Variants in INPP4B observed in about 807,000 individuals in gnomAD.
INPP4B encodes inositol polyphosphate 4-phosphatase type II.
Under a neutral mutation model 122.5 loss-of-function variants are expected in INPP4B, and 55 were observed. The ratio of observed to expected loss-of-function variants is 0.45; its 90% CI spans 0.36 to 0.56. The LOEUF (loss-of-function observed/expected upper bound fraction) is 0.56. Among genes scored for constraint, INPP4B ranks in the 20% least tolerant of loss-of-function variants. INPP4B has a pLI of 0.00. For synonymous variants in INPP4B, 403 were observed against 388.7 expected (o/e 1.04, Z -0.43); for missense variants, 1,000 against 1,097.7 (o/e 0.91, Z 1.26).
intron 15 of INPP4B, among the ~76,000 whole-genome samples, chr4:142,179,378 T>A (rs1579188799): frequency 6.9e-6 from 1 of 144,250 alleles, no homozygotes; most frequent in African/African-American, 2.6e-5. Context: ...GAGGCTGAGG[T>A]AGGAGAATTG....
chr4:142,517,092 T>G (rs952674005), intron 2 of INPP4B, among the ~76,000 whole-genome samples: 1 of 151,884 alleles, frequency 6.6e-6, no homozygotes, highest in East Asian at 1.9e-4. Context: ...AAATGCAGCA[T>G]AACCTTCACA....
chr4:142,471,630 G>T (rs1323998187), intron 2 of INPP4B, among the ~76,000 whole-genome samples: 1 of 152,314 alleles, frequency 6.6e-6, no homozygotes, highest in Admixed American at 6.5e-5. Flanking sequence ...TCAAGACAGT[G>T]GGGGCAGAGG....
chr4:142,412,718 G>A (rs1804868340), intron 5 of INPP4B, among the ~76,000 whole-genome samples: 1 of 151,878 alleles, frequency 6.6e-6, no homozygotes, highest in Non-Finnish European at 1.5e-5. Context: ...TTAATTCATT[G>A]AGAGTAGCTC....
At chr4:142,567,623 A>AT (rs1731914226) in intron 2 of INPP4B, among the ~76,000 whole-genome samples, 1 of 152,106 alleles carries the variant, frequency 6.6e-6, no homozygotes, top group Non-Finnish European at 1.5e-5. Flanking sequence ...CTCAATAAAT[A>AT]TTTTTTCTTA....
At chr4:142,509,827 A>G (rs994457158) in intron 2 of INPP4B, among the ~76,000 whole-genome samples, 2 of 152,208 alleles carry the variant, frequency 1.3e-5, no homozygotes, top group Admixed American at 1.3e-4. Context: ...CATGTTTGTA[A>G]AGATTCAATA....
intron 1 of INPP4B, among the ~76,000 whole-genome samples, chr4:142,785,804 G>A (rs138537048): frequency 5.3e-5 from 8 of 152,116 alleles, no homozygotes; most frequent in African/African-American, 1.7e-4. Flanking sequence ...CATCAAAACC[G>A]TGGATTCAGG....
At chr4:142,535,008 T>C (rs1828023584) in intron 2 of INPP4B, among the ~76,000 whole-genome samples, 1 of 152,184 alleles carries the variant, frequency 6.6e-6, no homozygotes, top group East Asian at 1.9e-4. Context: ...CATGTTCCAG[T>C]CTCATGCTTA....
intron 2 of INPP4B, among the ~76,000 whole-genome samples, chr4:142,612,619 T>A (rs1742802748): frequency 6.6e-6 from 1 of 152,214 alleles, no homozygotes; most frequent in Admixed American, 6.6e-5. Context: ...TTGCCATTTT[T>A]AAAAGTAATG....
Position 142,145,836 on chromosome 4 carries a change from T to C in INPP4B, c.1720+4A>G. 1 of 1,611,776 alleles carries C rather than the reference T, an allele frequency of 6.2e-7. No individual in the cohort carries two copies. The stretch of plus-strand genomic sequence containing the variant: ...AATGATTGGGAAAAAAAATTATTTC[T>C]TACCTCTTGGGTGAGAGGGAATGGC... On this transcript the variant is annotated splice_donor_region_variant and intron_variant, in intron 18 of 25. Transcript: ENST00000262992.
intron 11 of INPP4B, among the ~76,000 whole-genome samples, chr4:142,253,070 T>C (rs559559224): frequency 1.6e-4 from 25 of 152,156 alleles, no homozygotes; most frequent in African/African-American, 6.0e-4. Flanking sequence ...CACACCACAA[T>C]GGTAAGTATT....
In INPP4B at chr4:142,399,189, C is replaced by CTTTTTTTT. The variant is rs70949166; in HGVS notation, c.372+3741_372+3748dup. On this transcript the variant is annotated intron_variant, in intron 7 of 25. Coordinates refer to ENST00000262992, the MANE Select transcript of INPP4B (RefSeq NM_001101669.3). ...CTTTTCCTTTCTAAATTTCCTTTTG[C>CTTTTTTTT]TTTTTTTTTTTTTTTTTTTTTTTTT... Among the ~76,000 whole-genome samples, 69 of 56,992 alleles carry CTTTTTTTT rather than the reference C, an allele frequency of 1.2e-3. 9 individuals carry two copies. The highest frequency in any genetic ancestry group is 2.8e-3 in the East Asian group (4 of 1,452). The allele number at this position is 56,992 out of a possible 152,430, so 37.4% of individuals were successfully genotyped here.
chr4:142,673,075 CT>C (rs1248948085), intron 2 of INPP4B, among the ~76,000 whole-genome samples: 1 of 152,154 alleles, frequency 6.6e-6, no homozygotes, highest in Non-Finnish European at 1.5e-5. Context: ...AGTTACCAAT[CT>C]TTTCTAGCCA....
intron 2 of INPP4B, among the ~76,000 whole-genome samples, chr4:142,722,000 T>A (rs1304217445): frequency 2.0e-5 from 3 of 152,046 alleles, no homozygotes; most frequent in Admixed American, 2.0e-4. Context: ...GCTTTACTCA[T>A]AAGGAAAAGT....
intron 2 of INPP4B, among the ~76,000 whole-genome samples, chr4:142,490,955 C>G (rs1010491294): frequency 1.3e-5 from 2 of 152,104 alleles, no homozygotes; most frequent in Non-Finnish European, 2.9e-5. Context: ...ATTTTCTTTA[C>G]CATTCATTCA....
At chr4:142,842,979 A>T (rs915783965) in intron 1 of INPP4B, among the ~76,000 whole-genome samples, 2 of 145,132 alleles carry the variant, frequency 1.4e-5, no homozygotes, top group East Asian at 3.9e-4. Context: ...AATGTAGTCC[A>T]TAAAATTTCC....
At chr4:142,251,792 C>A (rs991791079) in intron 11 of INPP4B, among the ~76,000 whole-genome samples, 36 of 152,154 alleles carry the variant, frequency 2.4e-4, no homozygotes, top group Admixed American at 1.1e-3. Context: ...TTGTTGGCTG[C>A]CTCTTGCAAG....
intron 2 of INPP4B, among the ~76,000 whole-genome samples, chr4:142,537,218 G>T (rs1171704025): frequency 1.3e-5 from 2 of 151,740 alleles, no homozygotes; most frequent in Non-Finnish European, 2.9e-5. Flanking sequence ...GGCTTCTAGA[G>T]ATGGTACTGG....
At chr4:142,164,768 T>C (rs970268920) in intron 16 of INPP4B, among the ~76,000 whole-genome samples, 4 of 151,718 alleles carry the variant, frequency 2.6e-5, no homozygotes, top group African/African-American at 9.7e-5. Context: ...TTTATTTTTA[T>C]TGTAGAAACA....
chr4:142,051,810 T>A (rs1276621033), intron 25 of INPP4B, among the ~76,000 whole-genome samples: 1 of 152,074 alleles, frequency 6.6e-6, no homozygotes, highest in African/African-American at 2.4e-5. Context: ...AGTGTATTAT[T>A]CTTGTGTGCA....
Sources: allele counts gnomAD v4.1 joint callset (sites outside exome capture counted in the v4.1 genomes callset), GRCh38; gene constraint gnomAD v4.1.1; transcripts MANE v1.5; gene names NCBI Gene and HGNC (gene_info 2026-07-23, HGNC 2026-07-21).